Variants in GRM5 observed in about 807,000 individuals in gnomAD.
GRM5 encodes the protein glutamate metabotropic receptor 5.
A neutral mutation model predicts 83.1 loss-of-function variants in GRM5; 19 were observed. That is an observed-to-expected ratio of 0.23 (90% CI 0.16 to 0.34). The LOEUF (loss-of-function observed/expected upper bound fraction) is 0.34. Among genes scored for constraint, GRM5 ranks in the 10% least tolerant of loss-of-function variants. The probability of loss-of-function intolerance (pLI) is 1.00; values close to 1 mark genes in which losing one functional copy is unlikely to be tolerated. For missense variants in GRM5, 1,160 were observed against 1,588.3 expected, an observed-to-expected ratio of 0.73 and a Z score of 4.58; for synonymous variants, 675 against 633.6, an observed-to-expected ratio of 1.07 and a Z score of -0.98.
At chr11:88,778,273 A>G (rs1942901185) in intron 3 of GRM5, among the ~76,000 whole-genome samples, 1 of 152,250 alleles carries the variant, frequency 6.6e-6, no homozygotes, top group African/African-American at 2.4e-5. Flanking sequence ...GGCATGGGAG[A>G]GAATCACCTT....
chr11:88,946,250 T>C (rs866591362), intron 2 of GRM5, among the ~76,000 whole-genome samples: 9 of 152,104 alleles, frequency 5.9e-5, no homozygotes, highest in Middle Eastern at 3.2e-3. Context: ...CTGGCAAGGA[T>C]GCAGAGAAAA....
chr11:88,718,306 A>G lies in GRM5; in HGVS notation c.912-64903T>C, dbSNP rs1941444361. Among the ~76,000 whole-genome samples, 5 of 151,928 alleles carry G rather than the reference A, an allele frequency of 3.3e-5. No homozygotes were observed. In the South Asian group the frequency reaches 1.0e-3, roughly 31 times the overall value. Reference sequence around the variant, plus strand: ...TGGCATCCAATTTTCCTAACACAGTACTTACAATACAGTAAGCCTTTTAAA... The same window carrying G: ...TGGCATCCAATTTTCCTAACACAGTGCTTACAATACAGTAAGCCTTTTAAA... On this transcript the variant is annotated intron_variant, in intron 3 of 9. Transcript: ENST00000305447.
intron 3 of GRM5, among the ~76,000 whole-genome samples, chr11:88,786,871 A>G (rs1320564331): frequency 1.3e-5 from 2 of 152,074 alleles, no homozygotes; most frequent in Admixed American, 1.3e-4. Flanking sequence ...GGACTCTGGG[A>G]CAAGAAGAGC....
chr11:88,895,675 T>G (rs988278808), intron 2 of GRM5, among the ~76,000 whole-genome samples: 1 of 152,006 alleles, frequency 6.6e-6, no homozygotes, highest in Non-Finnish European at 1.5e-5. Context: ...ACTTGGTTTC[T>G]TAACATCTAT....
intron 2 of GRM5, among the ~76,000 whole-genome samples, chr11:88,856,817 T>C (rs772938491): frequency 3.3e-5 from 5 of 152,064 alleles, no homozygotes; most frequent in Non-Finnish European, 5.9e-5. Flanking sequence ...TATAATCTTA[T>C]GGGACCACTG....
chr11:88,611,679 A>G (rs1243758523), intron 4 of GRM5, among the ~76,000 whole-genome samples: 1 of 151,918 alleles, frequency 6.6e-6, no homozygotes, highest in African/African-American at 2.4e-5. Context: ...GTTTTCATTG[A>G]TGTTTTGTAT....
chr11:88,854,077 T>TATATATATATATATATATATATATAC (rs927592084), intron 2 of GRM5, among the ~76,000 whole-genome samples: 101 of 149,216 alleles, frequency 6.8e-4, no homozygotes, highest in African/African-American at 2.3e-3. Context: ...TATATATATA[T>TATATATATATATATATATATATATAC]ACACAATGAA....
intron 8 of GRM5, among the ~76,000 whole-genome samples, chr11:88,543,601 C>A (rs1258159422): frequency 1.8e-4 from 25 of 138,814 alleles, no homozygotes; most frequent in African/African-American, 5.8e-4. Context: ...AAAAAAAAAA[C>A]CCACAACCAG....
In GRM5 at chr11:89,047,482, C is replaced by G; in HGVS notation, c.391G>C (p.Asp131His). ...EEEEGLVRCV[D>H]GSSSSFRSKK... is the part of the protein sequence containing the mutation. ...GAGCGGAAGGAAGAGGAGGAGCCAT[C>G]CACACAGCGTACCAAGCCTTCTTCC... is the stretch of plus-strand genomic sequence containing the variant. The change falls in exon 2 of 10, where the codon GAT becomes CAT. Residue 131 changes from aspartate to histidine, a missense_variant. By Grantham distance (81) the Asp-to-His change is moderately conservative. This residue lies in a region of GRM5 where 39 missense variants were observed against 36.7 expected (regional missense o/e 1.06). Coordinates refer to ENST00000305447, the MANE Select transcript of GRM5 (RefSeq NM_001143831.3). This position sits in a 1 kb window ranked among gnomAD's most constrained non-coding sequence, Gnocchi z 5.1. The G allele has an allele frequency of 6.2e-7, 1 of 1,614,188 alleles. No individual in the cohort carries two copies. The highest frequency in any genetic ancestry group is 8.5e-7 in the Non-Finnish European group (1 of 1,180,024).
chr11:88,798,547 G>A (rs1031918245), intron 3 of GRM5, among the ~76,000 whole-genome samples: 2 of 152,062 alleles, frequency 1.3e-5, no homozygotes, highest in Admixed American at 1.3e-4. Flanking sequence ...GCAGGACAAA[G>A]AGCAACCATC....
intron 7 of GRM5, among the ~76,000 whole-genome samples, chr11:88,583,032 T>C (rs1420069195): frequency 2.0e-5 from 3 of 151,892 alleles, no homozygotes; most frequent in Non-Finnish European, 4.4e-5. Context: ...TTAAAAAAGG[T>C]AATGCTTAAG....
chr11:88,567,553 G>T lies in GRM5; in HGVS notation c.2130C>A (p.Ala710=). The change falls in exon 8 of 10, where the codon GCC becomes GCA. Residue 710 remains alanine (A), a synonymous_variant. Transcript: ENST00000305447. The surrounding 1 kb of genome is among the most constrained non-coding windows in gnomAD (Gnocchi z 7.3). ...LICIQLGIIV[A]LFIMEPPDIM... ...TGTCAGGAGGCTCCATTATAAAGAG[G>T]GCAACGATGATGCCCAACTGGATGC... 6.2e-7 allele frequency: 1 copy of T among 1,614,058 alleles called. No homozygotes were observed. The highest frequency in any genetic ancestry group is 8.5e-7 in the Non-Finnish European group (1 of 1,179,930).
At chr11:88,732,341 G>A (rs1035826619) in intron 3 of GRM5, among the ~76,000 whole-genome samples, 10 of 152,050 alleles carry the variant, frequency 6.6e-5, no homozygotes, top group African/African-American at 2.4e-4. Flanking sequence ...TAGTTGAGTT[G>A]TAGTGTTATT....
chr11:88,735,879 C>T (rs1474756731), intron 3 of GRM5, among the ~76,000 whole-genome samples: 4 of 151,926 alleles, frequency 2.6e-5, no homozygotes, highest in South Asian at 4.1e-4. Flanking sequence ...GTGGTGTACT[C>T]GTGTAATTGA....
chr11:88,589,518 T>C (rs1203960080), intron 7 of GRM5, among the ~76,000 whole-genome samples: 1 of 152,284 alleles, frequency 6.6e-6, no homozygotes, highest in East Asian at 1.9e-4. Context: ...TAACCAGACT[T>C]TTTAAATAAG....
At chr11:88,639,085 AATATTTAATGC>A (rs1939218925) in intron 4 of GRM5, among the ~76,000 whole-genome samples, 1 of 152,024 alleles carries the variant, frequency 6.6e-6, no homozygotes, top group Non-Finnish European at 1.5e-5. Flanking sequence ...TTTTTTCCCT[AATATTTAATGC>A]TAGAATATGT....
At chr11:88,534,962 G>A (rs1942101222) in intron 8 of GRM5, among the ~76,000 whole-genome samples, 1 of 152,142 alleles carries the variant, frequency 6.6e-6, no homozygotes, top group South Asian at 2.1e-4. Flanking sequence ...TTTGCCTGCT[G>A]CCATCCTTGT....
chr11:88,774,266 T>C (rs973766181), intron 3 of GRM5, among the ~76,000 whole-genome samples: 3 of 152,164 alleles, frequency 2.0e-5, no homozygotes, highest in Non-Finnish European at 4.4e-5. Context: ...CTTCATGGTG[T>C]AGGGGAATGC....
intron 2 of GRM5, among the ~76,000 whole-genome samples, chr11:89,003,077 T>C (rs1427135299): frequency 6.6e-6 from 1 of 152,124 alleles, no homozygotes; most frequent in Admixed American, 6.5e-5. Context: ...AACAAAAACA[T>C]GTTAAATGGA....
Sources: gnomAD v4.1 joint callset for allele counts (sites outside exome capture counted in the v4.1 genomes callset) on GRCh38, gnomAD v4.1.1 for gene constraint, gnomAD v4.1.1 regional missense constraint, Gnocchi (gnomAD v3.1) non-coding constraint, MANE v1.5 for transcripts, NCBI Gene and HGNC (gene_info 2026-07-23, HGNC 2026-07-21) for gene names.